PHF24: variants seen among roughly 807,000 people sequenced by gnomAD.
PHF24 encodes PHD finger protein 24.
In PHF24, 25 loss-of-function variants were observed where a neutral mutation model predicts 42.6. The observed-to-expected ratio is 0.59, with a 90% CI of 0.43 to 0.82. PHF24 has a LOEUF of 0.82. Among genes scored for constraint, PHF24 ranks in the 40% least tolerant of loss-of-function variants. The pLI is 0.00. For missense variants in PHF24, 470 were observed against 538.1 expected (o/e 0.87, Z 1.25); for synonymous variants, 185 against 204.8 (o/e 0.90, Z 0.83).
the PHF24 span, among the ~76,000 whole-genome samples, chr9:34,882,993 A>C: frequency 6.6e-6 from 1 of 152,226 alleles, no homozygotes; most frequent in African/African-American, 2.4e-5. Flanking sequence ...CCAAAACAGC[A>C]TGATACTGGT....
chr9:34,800,491 C>T, the PHF24 span, among the ~76,000 whole-genome samples: 2 of 152,082 alleles, frequency 1.3e-5, no homozygotes, highest in Non-Finnish European at 2.9e-5. Flanking sequence ...TGGAACAGAA[C>T]AGAGACCTCA....
the PHF24 span, among the ~76,000 whole-genome samples, chr9:34,848,468 GC>G: frequency 6.6e-6 from 1 of 151,954 alleles, no homozygotes; most frequent in Non-Finnish European, 1.5e-5. Flanking sequence ...ATTTTTTATT[GC>G]GTCTATTTGA....
chr9:34,910,892 A>C, the PHF24 span, among the ~76,000 whole-genome samples: 1 of 150,814 alleles, frequency 6.6e-6, no homozygotes, highest in Non-Finnish European at 1.5e-5. Flanking sequence ...GCAGGAACAT[A>C]GCTTACTACA....
chr9:34,764,352 A>G, the PHF24 span, among the ~76,000 whole-genome samples: 19 of 152,158 alleles, frequency 1.2e-4, no homozygotes, highest in Non-Finnish European at 2.1e-4. Context: ...TTGGTAAGCT[A>G]TTGATTATTG....
the PHF24 span, among the ~76,000 whole-genome samples, chr9:34,915,357 C>A: frequency 6.6e-6 from 1 of 151,058 alleles, no homozygotes; most frequent in Non-Finnish European, 1.5e-5. Flanking sequence ...GATGATAGTT[C>A]TATTTTCTTT....
the PHF24 span, among the ~76,000 whole-genome samples, chr9:34,928,883 T>C: frequency 6.6e-6 from 1 of 152,246 alleles, no homozygotes; most frequent in African/African-American, 2.4e-5. Context: ...ACTGCTCTCA[T>C]CTCAGTAGTC....
At chr9:34,707,158 A>G in the PHF24 span, among the ~76,000 whole-genome samples, 2 of 152,204 alleles carry the variant, frequency 1.3e-5, no homozygotes, top group African/African-American at 2.4e-5. Context: ...ACTGTTGAGT[A>G]GATGGCTTCG....
At chr9:34,687,265 T>C in the PHF24 span, among the ~76,000 whole-genome samples, 1 of 152,198 alleles carries the variant, frequency 6.6e-6, no homozygotes, top group Non-Finnish European at 1.5e-5. Context: ...TTTATGAGCC[T>C]CAGCATCTCC....
the PHF24 span, among the ~76,000 whole-genome samples, chr9:34,762,088 G>A: frequency 6.6e-6 from 1 of 151,974 alleles, no homozygotes; most frequent in South Asian, 2.1e-4. Flanking sequence ...TCTTAATCCA[G>A]TCTATCATTG....
At chr9:34,671,326 C>T in the PHF24 span, among the ~76,000 whole-genome samples, 1 of 152,178 alleles carries the variant, frequency 6.6e-6, no homozygotes, top group Admixed American at 6.6e-5. Context: ...AGAACACATC[C>T]AACAAGTTAT....
chr9:34,816,628 CTCTTT>C, the PHF24 span, among the ~76,000 whole-genome samples: 1 of 152,154 alleles, frequency 6.6e-6, no homozygotes, highest in African/African-American at 2.4e-5. Context: ...TCTCTGGGGA[CTCTTT>C]TATAAGGGCA....
chr9:34,754,596 C>T, the PHF24 span, among the ~76,000 whole-genome samples: 2 of 152,194 alleles, frequency 1.3e-5, no homozygotes, highest in Middle Eastern at 3.4e-3. Context: ...AACCCTTGTA[C>T]ACTGTTGAGG....
chr9:34,723,789 G>T, the PHF24 span: 1 of 1,551,736 alleles, frequency 6.4e-7, no homozygotes, highest in South Asian at 1.2e-5. Flanking sequence ...ATTGTCGCTG[G>T]TTCAAGGATG....
the PHF24 span, among the ~76,000 whole-genome samples, chr9:34,844,332 TTTGGGCTTAG>T: frequency 3.3e-5 from 5 of 152,116 alleles, no homozygotes; most frequent in African/African-American, 1.2e-4. Context: ...TTTCACTAAC[TTTGGGCTTAG>T]TTTGTTCTTC....
intron 1 of PHF24, among the ~76,000 whole-genome samples, chr9:34,959,174 T>TAGG (rs1826502678): frequency 6.6e-6 from 1 of 152,156 alleles, no homozygotes; most frequent in South Asian, 2.1e-4. Context: ...AAAGCAAAGA[T>TAGG]AGGAGATTTG....
the PHF24 span, among the ~76,000 whole-genome samples, chr9:34,928,295 T>C: frequency 6.7e-5 from 10 of 150,306 alleles, no homozygotes; most frequent in East Asian, 2.0e-3. Context: ...CATTTAAAAA[T>C]AACTAAAAGA....
At chr9:34,710,921 C>T in the PHF24 span, among the ~76,000 whole-genome samples, 3 of 152,128 alleles carry the variant, frequency 2.0e-5, no homozygotes, top group Non-Finnish European at 2.9e-5. Context: ...TGCACCTGGT[C>T]TGTAGCATAA....
chr9:34,689,974 A>G, the PHF24 span: 1 of 1,614,102 alleles, frequency 6.2e-7, no homozygotes, highest in Non-Finnish European at 8.5e-7. The surrounding 1 kb of genome is among the most constrained non-coding windows in gnomAD (Gnocchi z 4.1). Flanking sequence ...CGTTCTACCC[A>G]GGGCTGGTCT....
the PHF24 span, among the ~76,000 whole-genome samples, chr9:34,740,527 C>T: frequency 6.6e-6 from 1 of 152,226 alleles, no homozygotes; most frequent in South Asian, 2.1e-4. Context: ...CCGGCTGCTC[C>T]GAGTGCAGGG....
Sources: gnomAD v4.1 joint callset for allele counts (sites outside exome capture counted in the v4.1 genomes callset) on GRCh38, gnomAD v4.1.1 for gene constraint, Gnocchi (gnomAD v3.1) non-coding constraint, MANE v1.5 for transcripts, NCBI Gene and HGNC (gene_info 2026-07-23, HGNC 2026-07-21) for gene names.